Variants in ABR observed in about 807,000 individuals in gnomAD.
ABR encodes active breakpoint cluster region-related protein.
Under a neutral mutation model 107.2 loss-of-function variants are expected in ABR, and 35 were observed. The observed-to-expected ratio is 0.33, with a 90% CI of 0.25 to 0.43. The LOEUF is 0.43. Among genes scored for constraint, ABR ranks in the 20% least tolerant of loss-of-function variants. The probability of loss-of-function intolerance (pLI) is 1.00; values close to 1 mark genes in which losing one functional copy is unlikely to be tolerated. For missense variants in ABR, 815 were observed against 1,115.2 expected, an observed-to-expected ratio of 0.73 and a Z score of 3.83; for synonymous variants, 498 against 462.0, an observed-to-expected ratio of 1.08 and a Z score of -1.00.
In ABR at chr17:1,125,345, C is replaced by T. The variant is rs1228639245; in HGVS notation, c.84G>A (p.Glu28=). The T allele has an allele frequency of 2.4e-5, 39 of 1,613,852 alleles. No homozygotes were observed. The East Asian group carries it at 8.5e-4, about 35-fold the overall frequency. Residue 28 remains glutamate, a synonymous_variant, in exon 2 of 23, where the codon GAG becomes GAA. Coordinates refer to ENST00000302538, the MANE Select transcript of ABR (RefSeq NM_021962.5). ...LYSNFSYGTD[E]YDGEGNEEQK... ...GCTCCTCATTCCCCTCTCCGTCGTA[C>T]TCGTCCGTCCCGTAGCTGAAGTCTG...
intron 16 of ABR, among the ~76,000 whole-genome samples, chr17:1,036,845 A>G (rs919119887): frequency 1.3e-5 from 2 of 151,664 alleles, no homozygotes; most frequent in Non-Finnish European, 2.9e-5. Flanking sequence ...AGACACTGAG[A>G]CTCACTCTAG....
At chr17:1,179,994 G>C (rs1463821388), upstream of ABR, 4 of 292,928 alleles carry the variant, frequency 1.4e-5, no homozygotes, top group South Asian at 4.8e-4. This position sits in a 1 kb window ranked among gnomAD's most constrained non-coding sequence, Gnocchi z 4.9. Flanking sequence ...CTTCGCGGGG[G>C]GCGGGGCGGG....
At position 1,125,264 on chromosome 17, in the gene ABR, G is replaced by A. The variant is rs1225505791; in HGVS notation, c.165C>T (p.Thr55=). Residue 55 remains threonine (T), a synonymous_variant, in exon 2 of 23, where the codon ACC becomes ACT. Transcript: ENST00000302538. ...ETMPYIDESP[T]MSPQLSARSQ... ...TGCGGGCGCTGAGCTGCGGGGACATGGTGGGCGACTCATCGATGTACGGCA... is the reference window on the plus strand; with the variant it reads ...TGCGGGCGCTGAGCTGCGGGGACATAGTGGGCGACTCATCGATGTACGGCA... 6.2e-7 allele frequency: 1 copy of A among 1,613,482 alleles called. No individual in the cohort carries two copies. Among genetic ancestry groups the A allele is most frequent in the Non-Finnish European group, 8.5e-7 (1 of 1,179,746 alleles).
At chr17:1,083,869 A>AGG in intron 4 of ABR, 1 of 475,194 alleles carries the variant, frequency 2.1e-6, no homozygotes, top group Non-Finnish European at 3.8e-6. Flanking sequence ...TGGGGAGACC[A>AGG]GGCTAGGGCC....
In ABR at chr17:1,148,483, C is replaced by T. The variant is rs551051513; in HGVS notation, c.62-23116G>A. On this transcript the variant is annotated intron_variant, in intron 1 of 22. Coordinates refer to ENST00000302538, the MANE Select transcript of ABR (RefSeq NM_021962.5). The surrounding 1 kb of genome is among the most constrained non-coding windows in gnomAD (Gnocchi z 4.9). ...TCAATACAGGGGTCCCCAGCCCCCCCGGGCATGGACCGGCACCAGTCCGTG... is the reference window on the plus strand; with the variant it reads ...TCAATACAGGGGTCCCCAGCCCCCCTGGGCATGGACCGGCACCAGTCCGTG... Among the ~76,000 whole-genome samples the T allele has an allele frequency of 1.3e-5, 2 of 152,152 alleles. No homozygotes were observed. The highest frequency in any genetic ancestry group is 2.9e-5 in the Non-Finnish European group (2 of 68,032).
chr17:1,079,455 A>C, intron 5 of ABR, 65 bp from the exon 6 acceptor site: 2 of 1,464,226 alleles, frequency 1.4e-6, no homozygotes, highest in Admixed American at 3.7e-5. Context: ...CCCCACTGTG[A>C]GCCTGGCAAG....
intron 1 of ABR, among the ~76,000 whole-genome samples, chr17:1,197,675 G>A (rs149225073): frequency 2.0e-5 from 3 of 151,694 alleles, no homozygotes; most frequent in East Asian, 3.9e-4. Context: ...GAGAGGGGGA[G>A]GGTGCTGGGA....
chr17:1,094,419 G>A (rs1025544526), intron 3 of ABR, among the ~76,000 whole-genome samples: 1 of 149,614 alleles, frequency 6.7e-6, no homozygotes, highest in African/African-American at 2.5e-5. Flanking sequence ...CACCCAGGCT[G>A]GAGTGCAATA....
At chr17:1,172,057 C>G (rs1444505779) in intron 1 of ABR, among the ~76,000 whole-genome samples, 1 of 152,214 alleles carries the variant, frequency 6.6e-6, no homozygotes, top group East Asian at 1.9e-4. Flanking sequence ...CCAGTAAACC[C>G]AGATTCATCT....
chr17:1,049,932 C>A lies in ABR; in HGVS notation c.1791+118G>T, dbSNP rs117988806. On this transcript the variant is annotated intron_variant, in intron 16 of 22. Coordinates refer to ENST00000302538, the MANE Select transcript of ABR (RefSeq NM_021962.5). ...GGGAGAACCACCTCCTGGGAACTTT[C>A]CTCCAACCAGCTTGGAACCAAAATC... 3.0e-3 allele frequency: 4,268 copies of A among 1,414,460 alleles called. 10 individuals are homozygous for A. Among genetic ancestry groups the A allele is most frequent in the Non-Finnish European group, 3.7e-3 (3,927 of 1,054,732 alleles). The allele number at this position is 1,414,460 out of a possible 1,614,324, so 87.6% of individuals were successfully genotyped here.
intron 16 of ABR, among the ~76,000 whole-genome samples, chr17:1,040,019 G>T (rs565746442): frequency 6.6e-6 from 1 of 152,318 alleles, no homozygotes; most frequent in Admixed American, 6.5e-5. Context: ...CCTCCCTCAG[G>T]GCCAGGGGCC....
In ABR at chr17:1,011,146, A is replaced by C. The variant is rs906309002; in HGVS notation, c.2102-283T>G. The C allele has an allele frequency of 1.1e-5, 5 of 443,506 alleles. No homozygotes were observed. Among genetic ancestry groups the C allele is most frequent in the African/African-American group, 2.0e-5 (1 of 50,164 alleles). The allele number at this position is 443,506 out of a possible 1,614,324, so 27.5% of individuals were successfully genotyped here. A position where few individuals can be genotyped will look rare whatever the true frequency, so the allele number is the denominator to read the frequency against. On this transcript the variant is annotated intron_variant, in intron 19 of 22. Coordinates refer to ENST00000302538, the MANE Select transcript of ABR (RefSeq NM_021962.5). The surrounding 1 kb of genome is among the most constrained non-coding windows in gnomAD (Gnocchi z 4.8). The stretch of plus-strand genomic sequence containing the variant: ...CAGAGTTCAGAGCCACATTCATACC[A>C]TGTGGCCTGCAGCTTCCTTCCGACT...
chr17:1,192,636 G>C (rs538450510), intron 1 of ABR, among the ~76,000 whole-genome samples: 1 of 151,702 alleles, frequency 6.6e-6, no homozygotes, highest in Non-Finnish European at 1.5e-5. Context: ...AAATTAGCTG[G>C]GCATGGTGGA....
chr17:1,128,234 C>T (rs879354075), intron 1 of ABR, among the ~76,000 whole-genome samples: 1 of 152,216 alleles, frequency 6.6e-6, no homozygotes, highest in Non-Finnish European at 1.5e-5. Context: ...GATGGGGAAA[C>T]CAATCCTCGG....
intron 16 of ABR, among the ~76,000 whole-genome samples, chr17:1,043,038 G>T (rs1191622064): frequency 1.3e-5 from 2 of 152,214 alleles, no homozygotes; most frequent in African/African-American, 4.8e-5. Context: ...GAGGCTAAGG[G>T]TGCAGGAGTG....
chr17:1,165,165 G>T (rs1314983301), intron 1 of ABR, among the ~76,000 whole-genome samples: 8 of 152,240 alleles, frequency 5.3e-5, no homozygotes, highest in Non-Finnish European at 1.2e-4. Context: ...GCCTGCAGAG[G>T]TGCCTCCACC....
At chr17:1,168,581 G>C (rs1483938371) in intron 1 of ABR, among the ~76,000 whole-genome samples, 1 of 152,194 alleles carries the variant, frequency 6.6e-6, no homozygotes, top group African/African-American at 2.4e-5. Flanking sequence ...GGTGGGAAAG[G>C]CAATGCCCCA....
At chr17:1,219,079 G>A (rs185917416) in intron 1 of ABR, among the ~76,000 whole-genome samples, 1 of 152,200 alleles carries the variant, frequency 6.6e-6, no homozygotes, top group East Asian at 1.9e-4. Context: ...GTCTCACTCT[G>A]TTGTCCAGGC....
intron 1 of ABR, among the ~76,000 whole-genome samples, chr17:1,144,979 C>T (rs989884548): frequency 4.0e-5 from 6 of 151,320 alleles, no homozygotes; most frequent in Non-Finnish European, 5.9e-5. Context: ...GATGGTGCCA[C>T]GGCACTCCAG....
Sources: allele counts gnomAD v4.1 joint callset (sites outside exome capture counted in the v4.1 genomes callset), GRCh38; gene constraint gnomAD v4.1.1; non-coding constraint Gnocchi (gnomAD v3.1); transcripts MANE v1.5; gene names NCBI Gene and HGNC (gene_info 2026-07-23, HGNC 2026-07-21).